Variants in ENPP3 observed in about 807,000 individuals in gnomAD.
ENPP3 encodes the protein ectonucleotide pyrophosphatase/phosphodiesterase 3, also known as ectonucleotide pyrophosphatase/phosphodiesterase family member 3.
In ENPP3, 104 loss-of-function variants were observed where a neutral mutation model predicts 117.8. The ratio of observed to expected loss-of-function variants is 0.88; its 90% CI spans 0.75 to 1.04. The LOEUF is 1.04. Among genes scored for constraint, ENPP3 ranks in the 50% least tolerant of loss-of-function variants. The pLI is 0.00. For missense variants in ENPP3, 1,026 were observed against 1,051.9 expected, an observed-to-expected ratio of 0.98 and a Z score of 0.34; for synonymous variants, 380 against 349.9, an observed-to-expected ratio of 1.09 and a Z score of -0.96.
chr6:131,637,312 T>C lies in ENPP3; in HGVS notation c.-73T>C. On this transcript the variant is annotated 5_prime_UTR_variant, in exon 1 of 25. Coordinates refer to ENST00000357639, the MANE Select transcript of ENPP3 (RefSeq NM_005021.5). ...ACAGCTATGTAACTCATACAGTTTC[T>C]CTTTGCCAGACTAGACTAAAGAAGG... 1 of 913,378 alleles carries C rather than the reference T, an allele frequency of 1.1e-6. No homozygotes were observed. The highest frequency in any genetic ancestry group is 1.6e-6 in the Non-Finnish European group (1 of 612,004). 56.6% of individuals were successfully genotyped at this position (913,378 alleles called of 1,614,324 possible).
chr6:131,679,942 G>T (rs562986014), intron 11 of ENPP3, among the ~76,000 whole-genome samples: 2 of 152,194 alleles, frequency 1.3e-5, no homozygotes, highest in African/African-American at 4.8e-5. Context: ...AGGGAAGAGG[G>T]CTAAGAGGAA....
intron 21 of ENPP3, among the ~76,000 whole-genome samples, chr6:131,733,995 C>A (rs1300993152): frequency 6.6e-6 from 1 of 152,080 alleles, no homozygotes; most frequent in African/African-American, 2.4e-5. Context: ...ACTGGAGATT[C>A]TTTGCAGAAG....
At chr6:131,701,081 A>G (rs758736958) in intron 15 of ENPP3, 90 of 561,508 alleles carry the variant, frequency 1.6e-4, no homozygotes, top group Non-Finnish European at 2.3e-4. Flanking sequence ...ATTCTGTGAC[A>G]GCAAAAGTGG....
intron 21 of ENPP3, among the ~76,000 whole-genome samples, chr6:131,735,473 A>G (rs1026839945): frequency 8.5e-5 from 13 of 152,076 alleles, no homozygotes; most frequent in African/African-American, 3.1e-4. Context: ...ATAATTAGTT[A>G]CCCAGGCAGG....
intron 20 of ENPP3, among the ~76,000 whole-genome samples, chr6:131,727,006 C>G (rs974196909): frequency 6.6e-5 from 10 of 152,130 alleles, no homozygotes; most frequent in African/African-American, 2.4e-4. Flanking sequence ...ATTAAAAATG[C>G]AGAGGAAATT....
chr6:131,645,634 C>T (rs73779846), intron 2 of ENPP3, among the ~76,000 whole-genome samples: 11,303 of 152,160 alleles, frequency 0.074, 1,339 homozygotes, highest in African/African-American at 0.25. Context: ...TATGTAAAGA[C>T]GCATCATTCT....
At chr6:131,641,399 G>A (rs1328732516) in intron 1 of ENPP3, 56 bp from the exon 2 acceptor site, 3 of 1,135,130 alleles carry the variant, frequency 2.6e-6, no homozygotes, top group African/African-American at 3.1e-5. Flanking sequence ...GTGGTTATTT[G>A]TATCTTTGTA....
At chr6:131,667,329 T>C (rs931613098) in intron 6 of ENPP3, among the ~76,000 whole-genome samples, 1 of 152,020 alleles carries the variant, frequency 6.6e-6, no homozygotes, top group African/African-American at 2.4e-5. Flanking sequence ...CCTGGTAAAG[T>C]TGGGGCATTG....
intron 15 of ENPP3, chr6:131,710,747 T>A: frequency 6.2e-7 from 1 of 1,612,104 alleles, no homozygotes; most frequent in Non-Finnish European, 8.5e-7. Flanking sequence ...TCAAGTAGTT[T>A]ACATTTTTCT....
At position 131,679,078 on chromosome 6, in the gene ENPP3, T is replaced by C. The variant is rs71572977; in HGVS notation, c.1011+1138T>C. On this transcript the variant is annotated intron_variant, in intron 11 of 24. Coordinates refer to ENST00000357639, the MANE Select transcript of ENPP3 (RefSeq NM_005021.5). ...CTTTCTTTCTTTCTTTCTTTCTTTC[T>C]TTCTTTCTTTTCTTCTTTCTTTCTT... Among the ~76,000 whole-genome samples, 640 of 134,770 alleles carry C rather than the reference T, an allele frequency of 4.7e-3. 21 individuals are homozygous for C. Among genetic ancestry groups the C allele is most frequent in the Middle Eastern group, 0.015 (4 of 262 alleles). The allele number at this position is 134,770 out of a possible 152,430, so 88.4% of individuals were successfully genotyped here.
At chr6:131,688,894 TCC>T (rs1193307457) in intron 14 of ENPP3, among the ~76,000 whole-genome samples, 5 of 65,930 alleles carry the variant, frequency 7.6e-5, no homozygotes, top group African/African-American at 2.8e-4. Context: ...CTACTAAAAA[TCC>T]AAAAAAAAAA....
chr6:131,692,866 T>C (rs1779313416), intron 14 of ENPP3, among the ~76,000 whole-genome samples: 3 of 143,116 alleles, frequency 2.1e-5, no homozygotes, highest in South Asian at 2.2e-4. Context: ...ATGTGATATA[T>C]ATGATATATA....
intron 3 of ENPP3, among the ~76,000 whole-genome samples, chr6:131,652,196 A>G (rs1160274498): frequency 6.6e-6 from 1 of 152,172 alleles, no homozygotes; most frequent in Non-Finnish European, 1.5e-5. Context: ...GGCTGGGCAA[A>G]GCTGCTTTTG....
chr6:131,663,874 G>A (rs1778560076), intron 6 of ENPP3, among the ~76,000 whole-genome samples: 1 of 152,062 alleles, frequency 6.6e-6, no homozygotes, highest in African/African-American at 2.4e-5. Flanking sequence ...ATAAATGACT[G>A]TTACTGGTTT....
intron 21 of ENPP3, among the ~76,000 whole-genome samples, chr6:131,736,404 C>A (rs1427992152): frequency 6.6e-6 from 1 of 152,222 alleles, no homozygotes; most frequent in East Asian, 1.9e-4. Flanking sequence ...AAAGAGATAT[C>A]TTACATGGCT....
rs761820039 is a variant in ENPP3, at chr6:131,652,633, A to G, written c.369A>G (p.Lys123=). Residue 123 remains lysine, a synonymous_variant, in exon 4 of 25, where the codon AAA becomes AAG. Transcript: ENST00000357639. The stretch of plus-strand genomic sequence containing the variant: ...GTTCAGATGACTGTTTGCAGAGGAA[A>G]GATTGCTGTGCTGACTATAAGAGTG... ...CSCSDDCLQR[K]DCCADYKSVC... is the part of the protein sequence containing the mutation. The G allele has an allele frequency of 3.7e-6, 6 of 1,614,102 alleles. No individual in the cohort carries two copies. The South Asian group carries it at 5.5e-5, about 15-fold the overall frequency.
At chr6:131,712,671 A>G (rs1779813758) in intron 15 of ENPP3, among the ~76,000 whole-genome samples, 1 of 140,754 alleles carries the variant, frequency 7.1e-6, no homozygotes, top group African/African-American at 3.0e-5. Context: ...AATGGCATGT[A>G]TACACCCATT....
chr6:131,711,422 G>A (rs545505401), intron 15 of ENPP3, among the ~76,000 whole-genome samples: 3 of 147,612 alleles, frequency 2.0e-5, no homozygotes, highest in South Asian at 4.2e-4. Flanking sequence ...TATCTGATAT[G>A]CATACAGACA....
intron 11 of ENPP3, among the ~76,000 whole-genome samples, chr6:131,678,914 TTTC>T (rs1562446414): frequency 5.6e-5 from 3 of 53,142 alleles, no homozygotes; most frequent in African/African-American, 5.0e-4. Context: ...TCTCTCTTTC[TTTC>T]TTTCTTTCTT....
Sources: allele counts gnomAD v4.1 joint callset (sites outside exome capture counted in the v4.1 genomes callset), GRCh38; gene constraint gnomAD v4.1.1; transcripts MANE v1.5; gene names NCBI Gene and HGNC (gene_info 2026-07-23, HGNC 2026-07-21).